Variants in DCC observed in about 807,000 individuals in gnomAD.
DCC encodes the protein netrin receptor DCC.
In DCC, 58 loss-of-function variants were observed where a neutral mutation model predicts 172.5. The observed-to-expected ratio is 0.34, with a 90% CI of 0.27 to 0.42. The LOEUF (loss-of-function observed/expected upper bound fraction) is 0.42, where lower values mean the gene tolerates loss of function less well. DCC is among the 10% of genes least tolerant of loss of function. The probability of loss-of-function intolerance (pLI) is 1.00; values close to 1 mark genes in which losing one functional copy is unlikely to be tolerated. For synonymous variants in DCC, 709 were observed against 644.5 expected, an observed-to-expected ratio of 1.10 and a Z score of -1.52; for missense variants, 1,740 against 1,791.0, an observed-to-expected ratio of 0.97 and a Z score of 0.51.
chr18:52,648,496 T>C (rs767997083), intron 1 of DCC, among the ~76,000 whole-genome samples: 9 of 152,202 alleles, frequency 5.9e-5, no homozygotes, highest in Non-Finnish European at 8.8e-5. Context: ...CACATGTAAA[T>C]ATCATTCTGT....
intron 1 of DCC, among the ~76,000 whole-genome samples, chr18:52,360,796 G>A (rs1213082803): frequency 6.6e-6 from 1 of 152,178 alleles, no homozygotes; most frequent in East Asian, 1.9e-4. Flanking sequence ...AGCCAAAAAT[G>A]AAATTGGATA....
At chr18:52,991,144 T>C (rs1028595937) in intron 5 of DCC, among the ~76,000 whole-genome samples, 1 of 151,908 alleles carries the variant, frequency 6.6e-6, no homozygotes, top group Non-Finnish European at 1.5e-5. Context: ...CTTATCGATG[T>C]ATCAGATCCA....
At chr18:52,673,713 G>C (rs1472271496) in intron 1 of DCC, among the ~76,000 whole-genome samples, 1 of 152,152 alleles carries the variant, frequency 6.6e-6, no homozygotes, top group Non-Finnish European at 1.5e-5. Flanking sequence ...ATAGATAAAA[G>C]CCATTGCCAG....
intron 2 of DCC, among the ~76,000 whole-genome samples, chr18:52,844,750 C>T (rs1207445226): frequency 6.6e-6 from 1 of 152,124 alleles, no homozygotes; most frequent in Admixed American, 6.5e-5. Flanking sequence ...GACTATATTG[C>T]TTCTTTTATT....
At chr18:53,074,465 C>T (rs551598799) in intron 7 of DCC, among the ~76,000 whole-genome samples, 1 of 152,208 alleles carries the variant, frequency 6.6e-6, no homozygotes, top group South Asian at 2.1e-4. Flanking sequence ...CCTTTATAAG[C>T]CTTGGTAATT....
At chr18:53,395,479 A>C (rs1225165723) in intron 17 of DCC, among the ~76,000 whole-genome samples, 1 of 152,112 alleles carries the variant, frequency 6.6e-6, no homozygotes, top group African/African-American at 2.4e-5. Context: ...TCCATTTCTA[A>C]GACTTAGAGT....
At chr18:53,350,525 T>A (rs145901380) in intron 15 of DCC, among the ~76,000 whole-genome samples, 2 of 152,192 alleles carry the variant, frequency 1.3e-5, no homozygotes, top group East Asian at 1.9e-4. Flanking sequence ...TAAATAAATA[T>A]GGAATTAAGT....
At chr18:53,337,878 A>G (rs2057609947) in intron 14 of DCC, among the ~76,000 whole-genome samples, 1 of 152,320 alleles carries the variant, frequency 6.6e-6, no homozygotes, top group East Asian at 1.9e-4. Flanking sequence ...ACCTCTAGTC[A>G]TCAGATTTCC....
At chr18:53,040,290 T>C (rs1054910935) in intron 5 of DCC, among the ~76,000 whole-genome samples, 2 of 151,984 alleles carry the variant, frequency 1.3e-5, no homozygotes, top group African/African-American at 4.8e-5. Context: ...CCTGTTTTAC[T>C]AATGAGAGAC....
chr18:53,090,732 A>AAAAAAAAAAAAAAAAAAAAAAT (rs1568298492), intron 7 of DCC, among the ~76,000 whole-genome samples: 18 of 129,078 alleles, frequency 1.4e-4, no homozygotes, highest in Non-Finnish European at 2.5e-4. Context: ...AAAAAAAAAA[A>AAAAAAAAAAAAAAAAAAAAAAT]AAGAATGTAT....
In DCC at chr18:53,135,463, T is replaced by C. The variant is rs1220623365; in HGVS notation, c.1262-21893T>C. 2.0e-5 allele frequency among the ~76,000 whole-genome samples: 3 copies of C among 152,188 alleles called. No homozygotes were observed. The East Asian group carries it at 5.8e-4, about 29-fold the overall frequency. ...CAATAAAATTTGATATTTTGATTTTTACACTCCTTATCCCACATCTGAATA... is the reference window on the plus strand; with the variant it reads ...CAATAAAATTTGATATTTTGATTTTCACACTCCTTATCCCACATCTGAATA... On this transcript the variant is annotated intron_variant, in intron 7 of 28. Transcript: ENST00000442544.
At chr18:53,526,886 T>A (rs1598851431) in intron 28 of DCC, 127 bp downstream of exon 28, 1 of 524,064 alleles carries the variant, frequency 1.9e-6, no homozygotes. Context: ...GTTCTTATTG[T>A]TGTTTGTTCC....
At chr18:52,391,447 C>G (rs1183950807) in intron 1 of DCC, among the ~76,000 whole-genome samples, 1 of 152,032 alleles carries the variant, frequency 6.6e-6, no homozygotes, top group Non-Finnish European at 1.5e-5. Flanking sequence ...TAAACAGATT[C>G]AAAGAAATTG....
intron 9 of DCC, among the ~76,000 whole-genome samples, chr18:53,193,929 A>T (rs760381057): frequency 6.6e-6 from 1 of 152,168 alleles, no homozygotes; most frequent in African/African-American, 2.4e-5. Context: ...CTTTTCCTCT[A>T]ATAAATGACA....
chr18:52,872,136 A>C (rs941509288), intron 2 of DCC, among the ~76,000 whole-genome samples: 1 of 152,194 alleles, frequency 6.6e-6, no homozygotes, highest in African/African-American at 2.4e-5. Flanking sequence ...GGAGAGGACC[A>C]AAGAGGGATT....
At chr18:52,672,643 T>A (rs1366732161) in intron 1 of DCC, among the ~76,000 whole-genome samples, 1 of 151,156 alleles carries the variant, frequency 6.6e-6, no homozygotes, top group African/African-American at 2.4e-5. Context: ...CTCTTTCCTC[T>A]TTTTCCCCTT....
intron 1 of DCC, among the ~76,000 whole-genome samples, chr18:52,454,989 T>C (rs934287268): frequency 6.6e-6 from 1 of 152,160 alleles, no homozygotes; most frequent in African/African-American, 2.4e-5. Context: ...CCAATTGCGT[T>C]TCATCATGTT....
chr18:53,486,417 T>C (rs983847062), intron 25 of DCC, among the ~76,000 whole-genome samples: 5 of 152,198 alleles, frequency 3.3e-5, no homozygotes, highest in African/African-American at 1.2e-4. Context: ...CTACACAATA[T>C]ATTTGATTTG....
At chr18:52,843,031 G>A (rs1389887943) in intron 2 of DCC, among the ~76,000 whole-genome samples, 5 of 152,150 alleles carry the variant, frequency 3.3e-5, no homozygotes, top group Admixed American at 1.3e-4. Context: ...CTAATCAGAT[G>A]AAGTCTGGTA....
Sources: gnomAD v4.1 joint callset for allele counts (sites outside exome capture counted in the v4.1 genomes callset) on GRCh38, gnomAD v4.1.1 for gene constraint, MANE v1.5 for transcripts, NCBI Gene and HGNC (gene_info 2026-07-23, HGNC 2026-07-21) for gene names.